KIR3DL3: variants seen among roughly 807,000 people sequenced by gnomAD.
KIR3DL3 encodes killer cell immunoglobulin-like receptor 3DL3.
A neutral mutation model predicts 34.9 loss-of-function variants in KIR3DL3; 27 were observed. The observed-to-expected ratio is 0.77, with a 90% confidence interval of 0.57 to 1.07. The LOEUF (loss-of-function observed/expected upper bound fraction) is 1.07. KIR3DL3 is among the 50% of genes least tolerant of loss of function. KIR3DL3 has a pLI of 0.00. For missense variants in KIR3DL3, 681 were observed against 528.5 expected (o/e 1.29, Z -2.83); for synonymous variants, 217 against 200.2 (o/e 1.08, Z -0.71).
intron 3 of KIR3DL3, among the ~76,000 whole-genome samples, chr19:54,727,083 T>C (rs1432214505): frequency 7.4e-6 from 1 of 135,230 alleles, no homozygotes; most frequent in Admixed American, 8.1e-5. Flanking sequence ...TCGATCCACA[T>C]AGGGAGGGGT....
chr19:54,724,841 G>T (rs1331349732), intron 1 of KIR3DL3, among the ~76,000 whole-genome samples: 3 of 149,516 alleles, frequency 2.0e-5, no homozygotes, highest in Non-Finnish European at 3.0e-5. Flanking sequence ...CCTGGAGGTG[G>T]AGATATGGGC....
In KIR3DL3 at chr19:54,736,057, T is replaced by C. The variant is rs1600243967; in HGVS notation, c.1194T>C (p.Ser398=). The change falls in exon 8 of 8, where the codon TCT becomes TCC. Residue 398 remains serine (S), a synonymous_variant. Coordinates refer to ENST00000291860, the MANE Select transcript of KIR3DL3 (RefSeq NM_153443.5). ...CACAGAGAAAAATCACTCGCCCTTCTCAGAGGCCCAAGACACCCCCAACAG... is the reference window on the plus strand; with the variant it reads ...CACAGAGAAAAATCACTCGCCCTTCCCAGAGGCCCAAGACACCCCCAACAG... ...VFTQRKITRP[S]QRPKTPPTDT... 1 of 1,613,642 alleles carries C rather than the reference T, an allele frequency of 6.2e-7. No homozygotes were observed. Among genetic ancestry groups the C allele is most frequent in the Admixed American group, 1.7e-5 (1 of 59,934 alleles).
At position 54,725,841 on chromosome 19, in the gene KIR3DL3, GA is replaced by G. The variant is rs759576531; in HGVS notation, c.71-211del. On this transcript the variant is annotated intron_variant, in intron 2 of 7. Transcript: ENST00000291860. ...ATTTTGCAGTGTTAAAATCTAGTAA[GA>G]GTCGCTTCTTCAGCACCTGCTCAAA... 2.7e-3 allele frequency among the ~76,000 whole-genome samples: 411 copies of G among 152,308 alleles called. 4 individuals carry two copies. The highest frequency in any genetic ancestry group is 0.015 in the East Asian group (77 of 5,180).
chr19:54,726,516 C>G (rs2068203382), intron 3 of KIR3DL3, among the ~76,000 whole-genome samples, 179 bp downstream of exon 3: 1 of 147,308 alleles, frequency 6.8e-6, no homozygotes, highest in South Asian at 2.2e-4. Flanking sequence ...GTGATGGCTA[C>G]ATGGTAATCC....
chr19:54,725,165 GGTGGAGATATGGGCCTGGA>G (rs1176148100), intron 1 of KIR3DL3, 63 bp from the exon 2 acceptor site: 7 of 273,426 alleles, frequency 2.6e-5, no homozygotes, highest in East Asian at 1.2e-4. Flanking sequence ...TGGGCCTAGA[GGTGGAGATATGGGCCTGGA>G]GTGGAGATAT....
intron 5 of KIR3DL3, among the ~76,000 whole-genome samples, chr19:54,733,268 C>T (rs1013322229): frequency 2.0e-5 from 3 of 152,090 alleles, no homozygotes; most frequent in South Asian, 2.1e-4. Flanking sequence ...GATGGGGGCT[C>T]ACACCTGTAA....
intron 5 of KIR3DL3, among the ~76,000 whole-genome samples, chr19:54,732,034 A>C (rs2068850213): frequency 2.6e-5 from 4 of 152,082 alleles, no homozygotes; most frequent in Admixed American, 1.3e-4. Flanking sequence ...CAAGCTATGG[A>C]GGCTAAGACA....
chr19:54,726,979 G>A (rs2068252524), intron 3 of KIR3DL3, among the ~76,000 whole-genome samples: 1 of 121,896 alleles, frequency 8.2e-6, no homozygotes, highest in South Asian at 2.9e-4. Flanking sequence ...ACCAACACAG[G>A]AACCCAGGTG....
rs531069710 is a variant in KIR3DL3, at chr19:54,736,502, G to A, written c.*406G>A. On this transcript the variant is annotated 3_prime_UTR_variant, in exon 8 of 8. Transcript: ENST00000291860. ...CATATAAGAGGCTCCCTCTTAACAC[G>A]GCACTTAGATACGTGCTATTCCACC... 23 of 217,896 alleles carry A rather than the reference G, an allele frequency of 1.1e-4. No individual in the cohort carries two copies. The highest frequency in any genetic ancestry group is 7.5e-4 in the East Asian group (11 of 14,698). 13.5% of individuals were successfully genotyped at this position (217,896 alleles called of 1,614,324 possible). A position where few individuals can be genotyped will look rare whatever the true frequency, so the allele number is the denominator to read the frequency against.
chr19:54,725,336 C>G, intron 2 of KIR3DL3, 54 bp downstream of exon 2: 3 of 1,318,862 alleles, frequency 2.3e-6, no homozygotes, highest in South Asian at 3.5e-5. Flanking sequence ...AGATGATGCT[C>G]CTGAAACGGG....
Position 54,735,734 on chromosome 19 carries a change from C to T in KIR3DL3, c.1055-86C>T, listed in dbSNP as rs1342610589. On this transcript the variant is annotated intron_variant, in intron 6 of 7. Transcript: ENST00000291860. ...ACTGAGGGACCTCAGGCACCTATGGCCTCCCCCTGTATGTTGGTATCTGCT... is the reference window on the plus strand; with the variant it reads ...ACTGAGGGACCTCAGGCACCTATGGTCTCCCCCTGTATGTTGGTATCTGCT... The T allele has an allele frequency of 2.9e-5, 43 of 1,485,948 alleles. 1 individual carries two copies. Among genetic ancestry groups the T allele is most frequent in the Non-Finnish European group, 4.0e-5 (43 of 1,079,578 alleles). The allele number at this position is 1,485,948 out of a possible 1,614,324, so 92.0% of individuals were successfully genotyped here. A position where few individuals can be genotyped will look rare whatever the true frequency, so the allele number is the denominator to read the frequency against.
intron 6 of KIR3DL3, 85 bp from the exon 7 acceptor site, chr19:54,735,735 C>T (rs1274729438): frequency 6.7e-6 from 10 of 1,493,922 alleles, no homozygotes; most frequent in Admixed American, 1.7e-5. Flanking sequence ...CACCTATGGC[C>T]TCCCCCTGTA....
At chr19:54,729,440 A>C in intron 4 of KIR3DL3, 53 bp from the exon 5 acceptor site, 3 of 1,406,544 alleles carry the variant, frequency 2.1e-6, no homozygotes, top group Non-Finnish European at 2.9e-6. Context: ...AGGTGTGAGG[A>C]GAGCTGTGAC....
chr19:54,736,101 G>A lies in KIR3DL3; in HGVS notation c.*5G>A, dbSNP rs1315492286. On this transcript the variant is annotated 3_prime_UTR_variant, in exon 8 of 8. Coordinates refer to ENST00000291860, the MANE Select transcript of KIR3DL3 (RefSeq NM_153443.5). Reference sequence around the variant, plus strand: ...CCAACAGATACCAGCGTGTAACACGGAACTTCCAAATGCTGAGCGCAGATC... The same window carrying A: ...CCAACAGATACCAGCGTGTAACACGAAACTTCCAAATGCTGAGCGCAGATC... The A allele has an allele frequency of 5.0e-6, 8 of 1,611,908 alleles. No individual in the cohort carries two copies. The African/African-American group carries it at 1.1e-4, about 22-fold the overall frequency.
intron 4 of KIR3DL3, 152 bp from the exon 5 acceptor site, chr19:54,729,341 G>A: frequency 1.1e-6 from 1 of 921,994 alleles, no homozygotes; most frequent in East Asian, 2.5e-5. Context: ...GGTGGAAGGA[G>A]GAAATAGACA....
intron 5 of KIR3DL3, among the ~76,000 whole-genome samples, chr19:54,730,671 G>A (rs1425217501): frequency 1.3e-5 from 2 of 151,952 alleles, no homozygotes; most frequent in East Asian, 3.9e-4. Flanking sequence ...CTACCTTTGT[G>A]AGATCCACCT....
Position 54,726,244 on chromosome 19 carries a change from G to A in KIR3DL3, c.262G>A (p.Ala88Thr). 2 of 1,613,922 alleles carry A rather than the reference G, an allele frequency of 1.2e-6. No individual in the cohort carries two copies. The highest frequency in any genetic ancestry group is 1.7e-6 in the Non-Finnish European group (2 of 1,179,972). Reference protein sequence around the residue: ...NSFLMGPVTPAHAGTYRCCSS... With the variant: ...NSFLMGPVTPTHAGTYRCCSS... ...CTTTCTCATGGGCCCTGTGACCCCA[G>A]CACATGCAGGGACCTACAGATGTTG... Residue 88 changes from alanine to threonine, a missense_variant, in exon 3 of 8, where the codon GCA becomes ACA. Transcript: ENST00000291860.
rs1450351173 is a variant in KIR3DL3, at chr19:54,732,738, T to C, written c.950-2515T>C. ...GAAGGCACAAAGGTGGAAACATTCTTAGTTCAAGGAAGAGGCTCTGCCTCA... is the reference window on the plus strand; with the variant it reads ...GAAGGCACAAAGGTGGAAACATTCTCAGTTCAAGGAAGAGGCTCTGCCTCA... On this transcript the variant is annotated intron_variant, in intron 5 of 7. Coordinates refer to ENST00000291860, the MANE Select transcript of KIR3DL3 (RefSeq NM_153443.5). Among the ~76,000 whole-genome samples the C allele has an allele frequency of 3.5e-4, 52 of 148,186 alleles. 1 individual carries two copies. Among genetic ancestry groups the C allele is most frequent in the African/African-American group, 1.2e-3 (51 of 40,984 alleles).
At chr19:54,734,872 C>T (rs112396168) in intron 5 of KIR3DL3, among the ~76,000 whole-genome samples, 17,454 of 107,528 alleles carry the variant, frequency 0.16, 1,577 homozygotes, top group Middle Eastern at 0.24. Context: ...AGCTTCCAAG[C>T]TCTTTTAACA....
Sources: gnomAD v4.1 joint callset for allele counts (sites outside exome capture counted in the v4.1 genomes callset) on GRCh38, gnomAD v4.1.1 for gene constraint, MANE v1.5 for transcripts, NCBI Gene and HGNC (gene_info 2026-07-23, HGNC 2026-07-21) for gene names.